The following ABCB1 variants were observed in gnomAD, a reference collection of about 807,000 sequenced individuals.
ABCB1 encodes ATP binding cassette subfamily B member 1.
A neutral mutation model predicts 142.0 loss-of-function variants in ABCB1; 69 were observed. That is an observed-to-expected ratio of 0.49 (90% CI 0.40 to 0.59). ABCB1 has a LOEUF of 0.59. Among genes scored for constraint, ABCB1 ranks in the 20% least tolerant of loss-of-function variants. The pLI, the probability that ABCB1 is intolerant of heterozygous loss-of-function variation, is 0.00. For missense variants in ABCB1, 1,326 were observed against 1,554.7 expected (o/e 0.85, Z 2.47); for synonymous variants, 532 against 539.2 (o/e 0.99, Z 0.18).
intron 3 of ABCB1, among the ~76,000 whole-genome samples, chr7:87,589,702 T>C (rs1026062935): frequency 3.3e-5 from 5 of 151,834 alleles, no homozygotes; most frequent in Admixed American, 3.3e-4. Flanking sequence ...GTAGGATCAC[T>C]TAAGCCTGGG....
At chr7:87,672,690 C>G (rs2130531183) in intron 1 of ABCB1, among the ~76,000 whole-genome samples, 1 of 152,182 alleles carries the variant, frequency 6.6e-6, no homozygotes, top group African/African-American at 2.4e-5. Context: ...GACCGAAGGC[C>G]CTGGTGGAAT....
In ABCB1 at chr7:87,549,509, T is replaced by A. The variant is rs201159898; in HGVS notation, c.1564A>T (p.Thr522Ser). The stretch of plus-strand genomic sequence containing the variant: ...TGGGCCCCTCTCTCTCCAACCAGGG[T>A]GTCAAATTTCTACCACAGAAAACCC... Reference protein sequence around the residue: ...FIMKLPHKFDTLVGERGAQLS... With the variant: ...FIMKLPHKFDSLVGERGAQLS... Residue 522 changes from threonine to serine, a missense_variant, in exon 14 of 28, where the codon ACC becomes TCC. Coordinates refer to ENST00000622132, the MANE Select transcript of ABCB1 (RefSeq NM_001348946.2). 26 of 1,614,068 alleles carry A rather than the reference T, an allele frequency of 1.6e-5. No individual in the cohort carries two copies. The highest frequency in any genetic ancestry group is 9.3e-5 in the African/African-American group (7 of 75,000).
At chr7:87,703,885 C>CTTTTTTTTTTTTTTTT in intron 1 of ABCB1, among the ~76,000 whole-genome samples, 26 of 60,268 alleles carry the variant, frequency 4.3e-4, no homozygotes, top group East Asian at 5.1e-4. Context: ...TCAGTTTTTT[C>CTTTTTTTTTTTTTTTT]TTTTTTTTTT....
chr7:87,511,095 C>T (rs1584831244), intron 25 of ABCB1, among the ~76,000 whole-genome samples: 1 of 152,174 alleles, frequency 6.6e-6, no homozygotes, highest in East Asian at 1.9e-4. Context: ...TTCTTCATTA[C>T]ACTGAATACA....
At chr7:87,629,586 C>A (rs1190995200) in intron 1 of ABCB1, among the ~76,000 whole-genome samples, 1 of 152,082 alleles carries the variant, frequency 6.6e-6, no homozygotes, top group Non-Finnish European at 1.5e-5. Context: ...TGCTTTATAA[C>A]TGTAAATGTA....
chr7:87,551,529 T>C (rs185493004), intron 9 of ABCB1, among the ~76,000 whole-genome samples: 1 of 152,324 alleles, frequency 6.6e-6, no homozygotes, highest in African/African-American at 2.4e-5. Context: ...TCTTGCTTTG[T>C]TGCCCAGCCT....
Position 87,619,345 on chromosome 7 carries a change from C to G in ABCB1, c.-330-18267G>C, listed in dbSNP as rs1563076932. ...CTTGAGGTCATGAGTTTGAGACCAGCCTGGCCAACATGCCGAAACCCCGTC... is the reference window on the plus strand; with the variant it reads ...CTTGAGGTCATGAGTTTGAGACCAGGCTGGCCAACATGCCGAAACCCCGTC... On this transcript the variant is annotated intron_variant, in intron 1 of 28. Transcript: ENST00000265724. 2.6e-5 allele frequency among the ~76,000 whole-genome samples: 4 copies of G among 152,030 alleles called. No homozygotes were observed. In the South Asian group the frequency reaches 8.3e-4, roughly 32 times the overall value.
chr7:87,618,025 C>T (rs973025737), intron 1 of ABCB1, among the ~76,000 whole-genome samples: 10 of 152,166 alleles, frequency 6.6e-5, no homozygotes, highest in African/African-American at 2.2e-4. Flanking sequence ...TCTCCTACCT[C>T]GAGCTGCTTT....
chr7:87,509,561 C>A lies in ABCB1; in HGVS notation c.3283-80G>T, dbSNP rs543463464. 1.0e-5 allele frequency: 15 copies of A among 1,434,240 alleles called. No individual in the cohort carries two copies. The South Asian group carries it at 1.5e-4, about 15-fold the overall frequency. The allele number at this position is 1,434,240 out of a possible 1,614,324, so 88.8% of individuals were successfully genotyped here. Reference sequence around the variant, plus strand: ...ACAATTAACATCATTATTTCTTACACTGAAACTGCCAAGTTACTGTGAGAT... The same window carrying A: ...ACAATTAACATCATTATTTCTTACAATGAAACTGCCAAGTTACTGTGAGAT... On this transcript the variant is annotated intron_variant, in intron 25 of 27. Transcript: ENST00000622132.
chr7:87,531,235 A>C (rs1816042157), intron 21 of ABCB1, 59 bp downstream of exon 21: 3 of 1,443,346 alleles, frequency 2.1e-6, no homozygotes, highest in Non-Finnish European at 2.9e-6. Context: ...GTAACAAAAT[A>C]ACACTGATTA....
At chr7:87,602,151 G>T (rs185837535), upstream of ABCB1, among the ~76,000 whole-genome samples, 428 of 152,038 alleles carry the variant, frequency 2.8e-3, 4 homozygotes, top group Non-Finnish European at 1.5e-3. Flanking sequence ...CCGCCACCAC[G>T]CCCGGCTAAT....
rs148013916 is a variant in ABCB1 at position 87,692,706 on chromosome 7, T to C, written c.-331+20455A>G. Among the ~76,000 whole-genome samples, 370 of 152,288 alleles carry C rather than the reference T, an allele frequency of 2.4e-3. 1 individual carries two copies. Among genetic ancestry groups the C allele is most frequent in the African/African-American group, 8.3e-3 (344 of 41,572 alleles). On this transcript the variant is annotated intron_variant, in intron 1 of 28. Transcript: ENST00000265724. Reference sequence around the variant, plus strand: ...TTTGTTTTAGGACAGAGATAGTAAATGTGGTTTAAATATTAGGAATTAATG... The same window carrying C: ...TTTGTTTTAGGACAGAGATAGTAAACGTGGTTTAAATATTAGGAATTAATG...
At chr7:87,654,129 A>G (rs1449809934) in intron 1 of ABCB1, among the ~76,000 whole-genome samples, 1 of 152,064 alleles carries the variant, frequency 6.6e-6, no homozygotes, top group Non-Finnish European at 1.5e-5. Context: ...AAAAATTAAT[A>G]TTGTTAAAAT....
Position 87,566,768 on chromosome 7 carries a change from T to A in ABCB1, c.530+17A>T. 6.2e-7 allele frequency: 1 copy of A among 1,613,380 alleles called. No individual in the cohort carries two copies. On this transcript the variant is annotated intron_variant, in intron 6 of 27. Coordinates refer to ENST00000622132, the MANE Select transcript of ABCB1 (RefSeq NM_001348946.2). ...ATAAGAACGACACCCAAGTTCAACA[T>A]AAAACTAAATACTTACTCTGTAAGT...
At chr7:87,533,298 T>C (rs1396761815) in intron 20 of ABCB1, among the ~76,000 whole-genome samples, 3 of 152,152 alleles carry the variant, frequency 2.0e-5, no homozygotes, top group African/African-American at 4.8e-5. Context: ...TACTGACTTA[T>C]GGGCTTGTGA....
chr7:87,658,642 A>G (rs1050524171), intron 1 of ABCB1, among the ~76,000 whole-genome samples: 1 of 152,214 alleles, frequency 6.6e-6, no homozygotes. Context: ...GAGAAAAATG[A>G]CAACTTGCCT....
intron 3 of ABCB1, among the ~76,000 whole-genome samples, chr7:87,587,736 G>A (rs1335150094): frequency 6.6e-6 from 1 of 151,996 alleles, no homozygotes; most frequent in African/African-American, 2.4e-5. Flanking sequence ...TTAGCCGGAT[G>A]TGGTGGCAGG....
At chr7:87,558,814 C>A (rs756197321) in intron 8 of ABCB1, among the ~76,000 whole-genome samples, 1 of 151,842 alleles carries the variant, frequency 6.6e-6, no homozygotes, top group African/African-American at 2.4e-5. Context: ...TCATGCTTTT[C>A]CCCTTACATC....
chr7:87,652,987 C>T (rs915442201), intron 1 of ABCB1, among the ~76,000 whole-genome samples: 1 of 151,926 alleles, frequency 6.6e-6, no homozygotes, highest in Non-Finnish European at 1.5e-5. Flanking sequence ...GATAAAATCT[C>T]CCCCAGACAC....
Sources: allele counts gnomAD v4.1 joint callset (sites outside exome capture counted in the v4.1 genomes callset), GRCh38; gene constraint gnomAD v4.1.1; transcripts MANE v1.5; gene names NCBI Gene and HGNC (gene_info 2026-07-23, HGNC 2026-07-21).